Variants in GLIS1 observed in about 807,000 individuals in gnomAD.
GLIS1 encodes the protein GLIS family zinc finger 1.
Under a neutral mutation model 63.8 loss-of-function variants are expected in GLIS1, and 24 were observed. The observed-to-expected ratio is 0.38, with a 90% CI of 0.27 to 0.53. The LOEUF is 0.53. Ranked by LOEUF, GLIS1 falls within the 20% of genes least tolerant of loss-of-function variation. The probability of loss-of-function intolerance (pLI) is 0.85; values close to 1 mark genes in which losing one functional copy is unlikely to be tolerated. For synonymous variants in GLIS1, 450 were observed against 482.5 expected (o/e 0.93, Z 0.88); for missense variants, 1,036 against 1,074.1 (o/e 0.96, Z 0.50).
At chr1:53,530,973 GAC>G (rs1644524404) in intron 4 of GLIS1, among the ~76,000 whole-genome samples, 1 of 152,206 alleles carries the variant, frequency 6.6e-6, no homozygotes, top group African/African-American at 2.4e-5. Context: ...CTGGGTGTTG[GAC>G]ACACAACAGC....
chr1:53,738,171 C>G, intron 1 of GLIS1, 65 bp from the exon 2 acceptor site: 1 of 1,000,582 alleles, frequency 1.0e-6, no homozygotes, highest in Non-Finnish European at 1.3e-6. Flanking sequence ...GTCCCGGGGC[C>G]GAGTTTGAGC....
chr1:53,552,701 A>C (rs1328249772), intron 4 of GLIS1, among the ~76,000 whole-genome samples: 2 of 152,048 alleles, frequency 1.3e-5, no homozygotes, highest in African/African-American at 4.8e-5. Flanking sequence ...GGGCTCCTCC[A>C]TCCCACTTAG....
intron 4 of GLIS1, among the ~76,000 whole-genome samples, chr1:53,555,228 G>A (rs1349569143): frequency 6.6e-6 from 1 of 152,210 alleles, no homozygotes; most frequent in Non-Finnish European, 1.5e-5. Flanking sequence ...TGAGAGAGAT[G>A]TGCCACCATC....
intron 4 of GLIS1, among the ~76,000 whole-genome samples, chr1:53,559,741 G>A (rs1351610157): frequency 2.0e-5 from 3 of 152,096 alleles, no homozygotes; most frequent in Admixed American, 6.5e-5. Context: ...CGCCATGCAC[G>A]GGAGGGAGCT....
At chr1:53,642,704 C>T (rs543385622) in intron 2 of GLIS1, among the ~76,000 whole-genome samples, 3 of 152,270 alleles carry the variant, frequency 2.0e-5, no homozygotes, top group South Asian at 4.1e-4. Context: ...TTTGTGTCTG[C>T]CATTCCCTCT....
At position 53,598,396 on chromosome 1, in the gene GLIS1, G is replaced by A. The variant is rs554886206; in HGVS notation, c.437+1705C>T. On this transcript the variant is annotated intron_variant, in intron 3 of 10. Transcript: ENST00000628545. The surrounding 1 kb of genome is among the most constrained non-coding windows in gnomAD (Gnocchi z 4.6). ...CGTCTCTATAAAAAATTAGCCAGGC[G>A]TGGTGGCACACGCCTGTAGTCTCAG... Among the ~76,000 whole-genome samples, 6 of 152,188 alleles carry A rather than the reference G, an allele frequency of 3.9e-5. No individual in the cohort carries two copies. Among genetic ancestry groups the A allele is most frequent in the East Asian group, 1.9e-4 (1 of 5,166 alleles).
chr1:53,710,308 C>T (rs1646633268), intron 2 of GLIS1, among the ~76,000 whole-genome samples: 1 of 152,264 alleles, frequency 6.6e-6, no homozygotes, highest in African/African-American at 2.4e-5. Context: ...TGGGCACGGC[C>T]GCAGGGCCAT....
At chr1:53,724,825 C>T (rs761051505) in intron 2 of GLIS1, among the ~76,000 whole-genome samples, 19 of 152,152 alleles carry the variant, frequency 1.2e-4, no homozygotes, top group Non-Finnish European at 2.5e-4. Context: ...AGGTGCATGG[C>T]TGTTAAGATG....
intron 4 of GLIS1, among the ~76,000 whole-genome samples, chr1:53,548,770 C>G (rs1644731103): frequency 6.6e-6 from 1 of 152,184 alleles, no homozygotes; most frequent in Admixed American, 6.5e-5. Context: ...TTTTTTATAG[C>G]TCTGTTGAAA....
intron 4 of GLIS1, among the ~76,000 whole-genome samples, chr1:53,544,359 T>G (rs1644676781): frequency 6.6e-6 from 1 of 152,136 alleles, no homozygotes; most frequent in Non-Finnish European, 1.5e-5. Context: ...CAGGGTGCAG[T>G]CCGGCCCCCG....
intron 4 of GLIS1, among the ~76,000 whole-genome samples, chr1:53,549,399 T>C (rs971263879): frequency 2.0e-5 from 3 of 152,242 alleles, no homozygotes; most frequent in South Asian, 4.1e-4. Flanking sequence ...CCCATCAGGG[T>C]ACAAGAGTTC....
intron 4 of GLIS1, among the ~76,000 whole-genome samples, chr1:53,538,190 A>G (rs1031098300): frequency 1.3e-5 from 2 of 152,150 alleles, no homozygotes; most frequent in Non-Finnish European, 2.9e-5. Context: ...AATGGAACGG[A>G]CAGACGGGAG....
intron 2 of GLIS1, among the ~76,000 whole-genome samples, chr1:53,612,841 TG>T (rs1645439776): frequency 7.0e-6 from 1 of 143,238 alleles, no homozygotes; most frequent in Non-Finnish European, 1.5e-5. Context: ...TTTTTTGAGA[TG>T]GGGTCTCGCT....
chr1:53,684,059 T>C (rs975518950), intron 2 of GLIS1, among the ~76,000 whole-genome samples: 2 of 152,108 alleles, frequency 1.3e-5, no homozygotes, highest in African/African-American at 4.8e-5. Flanking sequence ...ATGGATGAAG[T>C]GTCCACATTC....
intron 2 of GLIS1, among the ~76,000 whole-genome samples, chr1:53,707,830 G>A (rs1332485417): frequency 6.6e-6 from 1 of 151,848 alleles, no homozygotes. Context: ...TGGGATTACA[G>A]GCGTGAGCCA....
intron 2 of GLIS1, among the ~76,000 whole-genome samples, chr1:53,603,617 C>T (rs1417705912): frequency 1.3e-5 from 2 of 152,204 alleles, no homozygotes; most frequent in African/African-American, 4.8e-5. Flanking sequence ...GGAGGAGGTC[C>T]ACTCCTGTTC....
chr1:53,641,200 G>T (rs1325132931), intron 2 of GLIS1, among the ~76,000 whole-genome samples: 1 of 152,162 alleles, frequency 6.6e-6, no homozygotes, highest in East Asian at 1.9e-4. Flanking sequence ...CATACAAAAG[G>T]TGCTCATCCT....
chr1:53,676,399 G>A (rs116592793), intron 2 of GLIS1, among the ~76,000 whole-genome samples: 190 of 152,170 alleles, frequency 1.2e-3, no homozygotes, highest in South Asian at 7.7e-3. Flanking sequence ...TGGGCTACCC[G>A]CCTCCCCCAC....
intron 2 of GLIS1, among the ~76,000 whole-genome samples, chr1:53,622,665 T>C (rs897706693): frequency 6.6e-6 from 1 of 151,988 alleles, no homozygotes; most frequent in Non-Finnish European, 1.5e-5. Context: ...AGAGGCGACA[T>C]GGCCAGGAGA....
Sources: gnomAD v4.1 joint callset for allele counts (sites outside exome capture counted in the v4.1 genomes callset) on GRCh38, gnomAD v4.1.1 for gene constraint, Gnocchi (gnomAD v3.1) non-coding constraint, MANE v1.5 for transcripts, NCBI Gene and HGNC (gene_info 2026-07-23, HGNC 2026-07-21) for gene names.